ANKS1B: variants seen among roughly 807,000 people sequenced by gnomAD.
ANKS1B encodes the protein ankyrin repeat and sterile alpha motif domain containing 1B, also known as ankyrin repeat and sterile alpha motif domain-containing protein 1B.
ANKS1B carries 36 observed loss-of-function variants against 148.3 expected under a neutral mutation model. That is an observed-to-expected ratio of 0.24 (90% CI 0.19 to 0.32). The LOEUF (loss-of-function observed/expected upper bound fraction) is 0.32. Among genes scored for constraint, ANKS1B ranks in the 10% least tolerant of loss-of-function variants. ANKS1B has a pLI of 1.00. For synonymous variants in ANKS1B, 542 were observed against 560.8 expected, an observed-to-expected ratio of 0.97 and a Z score of 0.47; for missense variants, 1,157 against 1,542.6, an observed-to-expected ratio of 0.75 and a Z score of 4.19.
chr12:99,981,880 T>C (rs1316529629), intron 1 of ANKS1B, among the ~76,000 whole-genome samples: 1 of 152,162 alleles, frequency 6.6e-6, no homozygotes, highest in African/African-American at 2.4e-5. Flanking sequence ...TTAAGAAATT[T>C]CAAAGTGTCA....
At chr12:99,469,867 C>G (rs1040814723) in intron 10 of ANKS1B, among the ~76,000 whole-genome samples, 1 of 151,942 alleles carries the variant, frequency 6.6e-6, no homozygotes, top group African/African-American at 2.4e-5. Context: ...CACCAAAAAT[C>G]AAAGCATTTT....
chr12:99,981,767 T>C (rs1429914604), intron 1 of ANKS1B, among the ~76,000 whole-genome samples: 4 of 152,122 alleles, frequency 2.6e-5, no homozygotes, highest in Non-Finnish European at 4.4e-5. Context: ...AGATGACACG[T>C]GTAAGCACTT....
At chr12:99,443,885 C>A in intron 10 of ANKS1B, 76 bp from the exon 11 acceptor site, 2 of 1,496,450 alleles carry the variant, frequency 1.3e-6, no homozygotes, top group South Asian at 1.3e-5. Flanking sequence ...ATTTTCTGAA[C>A]ATAAATTGAG....
chr12:99,644,917 A>G (rs2098344813), intron 9 of ANKS1B, among the ~76,000 whole-genome samples: 1 of 151,980 alleles, frequency 6.6e-6, no homozygotes, highest in African/African-American at 2.4e-5. Context: ...CTCTACTTCC[A>G]TCATCACATA....
intron 12 of ANKS1B, among the ~76,000 whole-genome samples, chr12:99,379,543 T>G (rs2093550547): frequency 6.6e-6 from 1 of 152,210 alleles, no homozygotes; most frequent in Non-Finnish European, 1.5e-5. Context: ...ATGATGACTT[T>G]TATTGCTGAA....
At chr12:99,317,161 G>C (rs2084280336) in intron 12 of ANKS1B, among the ~76,000 whole-genome samples, 1 of 152,072 alleles carries the variant, frequency 6.6e-6, no homozygotes, top group Admixed American at 6.6e-5. Flanking sequence ...GCTCTTTTTT[G>C]GTTCCATATG....
At chr12:99,541,293 T>C (rs1253594911) in intron 9 of ANKS1B, among the ~76,000 whole-genome samples, 1 of 152,148 alleles carries the variant, frequency 6.6e-6, no homozygotes, top group Non-Finnish European at 1.5e-5. Context: ...AGGAATCTTG[T>C]ATTACACTAA....
chr12:99,540,659 C>T (rs1004990816), intron 9 of ANKS1B, among the ~76,000 whole-genome samples: 10 of 151,910 alleles, frequency 6.6e-5, no homozygotes, highest in African/African-American at 2.2e-4. Flanking sequence ...TGGAATGCCG[C>T]AGTGCTTAGA....
chr12:99,588,038 T>C (rs1269104661), intron 9 of ANKS1B, among the ~76,000 whole-genome samples: 23 of 152,142 alleles, frequency 1.5e-4, no homozygotes, highest in Admixed American at 1.5e-3. Flanking sequence ...TTACATAGCC[T>C]TTCTATAGTG....
chr12:99,025,741 C>A (rs2099948366), intron 17 of ANKS1B, among the ~76,000 whole-genome samples: 1 of 152,146 alleles, frequency 6.6e-6, no homozygotes, highest in Admixed American at 6.6e-5. Flanking sequence ...TAGTGACCTG[C>A]AGAGAAGTTT....
intron 12 of ANKS1B, among the ~76,000 whole-genome samples, chr12:99,300,291 A>C (rs1490986985): frequency 6.7e-6 from 1 of 150,044 alleles, no homozygotes; most frequent in Non-Finnish European, 1.5e-5. Context: ...ATGGTTGCTA[A>C]ATAGGACAAA....
intron 25 of ANKS1B, among the ~76,000 whole-genome samples, chr12:98,754,955 T>G (rs767825327): frequency 7.9e-5 from 12 of 152,202 alleles, no homozygotes; most frequent in Admixed American, 5.2e-4. Flanking sequence ...TTGTCAAGTT[T>G]CTTTTGTGAT....
chr12:99,180,383 G>T (rs550069388), intron 14 of ANKS1B, among the ~76,000 whole-genome samples: 75 of 152,248 alleles, frequency 4.9e-4, no homozygotes, highest in African/African-American at 1.7e-3. Flanking sequence ...TTGCACAAAG[G>T]GGGCTAAACA....
chr12:99,494,692 C>T (rs1486339166), intron 10 of ANKS1B, among the ~76,000 whole-genome samples: 1 of 143,242 alleles, frequency 7.0e-6, no homozygotes, highest in African/African-American at 2.6e-5. Context: ...GAGATCGTGC[C>T]CCTGCACTCC....
intron 8 of ANKS1B, among the ~76,000 whole-genome samples, chr12:99,661,919 G>A (rs2098479450): frequency 6.6e-6 from 1 of 152,066 alleles, no homozygotes; most frequent in African/African-American, 2.4e-5. Flanking sequence ...CCTGCTGATT[G>A]AATGCTAATG....
chr12:99,914,540 T>C (rs1022883422), intron 1 of ANKS1B, among the ~76,000 whole-genome samples: 1 of 152,146 alleles, frequency 6.6e-6, no homozygotes, highest in Non-Finnish European at 1.5e-5. Flanking sequence ...AAAAACTCCA[T>C]GTCAGTATTT....
chr12:99,723,768 T>C, intron 8 of ANKS1B, among the ~76,000 whole-genome samples: 1 of 151,998 alleles, frequency 6.6e-6, no homozygotes, highest in South Asian at 2.1e-4. Flanking sequence ...CTCCTCGAGG[T>C]CAGAGTTCCC....
At chr12:99,335,836 A>G (rs1284271965) in intron 12 of ANKS1B, among the ~76,000 whole-genome samples, 2 of 152,074 alleles carry the variant, frequency 1.3e-5, no homozygotes, top group African/African-American at 4.8e-5. Context: ...GTGTGTAGCT[A>G]TCTCTTCAAT....
intron 15 of ANKS1B, among the ~76,000 whole-genome samples, chr12:99,128,597 G>T (rs188224698): frequency 4.6e-5 from 7 of 152,242 alleles, no homozygotes; most frequent in African/African-American, 1.7e-4. Flanking sequence ...ACAGAAACTT[G>T]TCTGTTCATC....
Sources: gnomAD v4.1 joint callset for allele counts (sites outside exome capture counted in the v4.1 genomes callset) on GRCh38, gnomAD v4.1.1 for gene constraint, MANE v1.5 for transcripts, NCBI Gene and HGNC (gene_info 2026-07-23, HGNC 2026-07-21) for gene names.